Variants in PLPPR1 observed in about 807,000 individuals in gnomAD.
PLPPR1 encodes the protein phospholipid phosphatase related 1, also known as phospholipid phosphatase-related protein type 1.
PLPPR1 carries 10 observed loss-of-function variants against 33.1 expected under a neutral mutation model. The ratio of observed to expected loss-of-function variants is 0.30; its 90% confidence interval spans 0.19 to 0.51. The LOEUF is 0.51. Ranked by LOEUF, PLPPR1 falls within the 20% of genes least tolerant of loss-of-function variation. The probability of loss-of-function intolerance (pLI) is 0.97; values close to 1 mark genes in which losing one functional copy is unlikely to be tolerated. For synonymous variants in PLPPR1, 151 were observed against 151.0 expected, an observed-to-expected ratio of 1.00 and a Z score of 0.00; for missense variants, 304 against 408.1, an observed-to-expected ratio of 0.74 and a Z score of 2.20.
intron 1 of PLPPR1, among the ~76,000 whole-genome samples, chr9:101,157,938 A>T (rs1831717912): frequency 6.6e-6 from 1 of 152,154 alleles, no homozygotes; most frequent in African/African-American, 2.4e-5. Context: ...TGGGAGGTGG[A>T]GGTTGCAGTG....
intron 3 of PLPPR1, among the ~76,000 whole-genome samples, chr9:101,276,029 T>G (rs1403201676): frequency 6.6e-6 from 1 of 152,132 alleles, no homozygotes. Context: ...GATCACAAAG[T>G]GGGCTCTCAA....
chr9:101,038,036 A>G (rs555924554), intron 1 of PLPPR1, among the ~76,000 whole-genome samples: 1 of 152,000 alleles, frequency 6.6e-6, no homozygotes, highest in Admixed American at 6.5e-5. Flanking sequence ...AATATCACTC[A>G]TATTTCTGCT....
intron 2 of PLPPR1, among the ~76,000 whole-genome samples, chr9:101,206,923 A>G (rs371247109): frequency 9.9e-5 from 15 of 152,142 alleles, no homozygotes; most frequent in African/African-American, 3.6e-4. Context: ...CCAAGCCAGG[A>G]CTTATAGGGA....
At chr9:101,174,148 T>C (rs1424327964) in intron 1 of PLPPR1, among the ~76,000 whole-genome samples, 15 of 151,940 alleles carry the variant, frequency 9.9e-5, no homozygotes, top group Admixed American at 9.8e-4. Context: ...CAGAGTGAGA[T>C]CCTGTCAGAA....
At chr9:101,040,814 A>G (rs1329380583) in intron 1 of PLPPR1, among the ~76,000 whole-genome samples, 6 of 152,178 alleles carry the variant, frequency 3.9e-5, no homozygotes, top group Admixed American at 3.9e-4. Flanking sequence ...GCATCATAAG[A>G]TGAGGGACTC....
chr9:101,098,595 G>C (rs370173592), intron 1 of PLPPR1, among the ~76,000 whole-genome samples: 1 of 152,052 alleles, frequency 6.6e-6, no homozygotes, highest in Non-Finnish European at 1.5e-5. Flanking sequence ...GTGAATGGTG[G>C]GTAAAAGAAG....
chr9:101,266,396 C>CAAAAAAAAAAAAAAAAAA (rs546906894), intron 2 of PLPPR1, among the ~76,000 whole-genome samples: 1 of 113,992 alleles, frequency 8.8e-6, no homozygotes, highest in Non-Finnish European at 1.8e-5. Context: ...ACCCTGTCTC[C>CAAAAAAAAAAAAAAAAAA]AAAAAAAAAA....
rs374269645 is a variant in PLPPR1 at position 101,160,601 on chromosome 9, G to A, written c.-45-24849G>A. 2.1e-3 allele frequency among the ~76,000 whole-genome samples: 324 copies of A among 152,232 alleles called. 13 individuals are homozygous for A. The South Asian group carries it at 0.064, about 30-fold the overall frequency. ...AATTTGAAATGCAGCCTTAAAGGGT[G>A]TTAAAATAATTTTGTTTAACATGGA... is the stretch of plus-strand genomic sequence containing the variant. On this transcript the variant is annotated intron_variant, in intron 1 of 7. Transcript: ENST00000374874.
intron 1 of PLPPR1, among the ~76,000 whole-genome samples, chr9:101,039,857 G>A (rs1446271545): frequency 2.0e-5 from 3 of 151,364 alleles, no homozygotes; most frequent in African/African-American, 7.3e-5. Flanking sequence ...TGACACATGG[G>A]AATTGTGGGA....
At chr9:101,143,841 A>G (rs1831486651) in intron 1 of PLPPR1, among the ~76,000 whole-genome samples, 1 of 152,220 alleles carries the variant, frequency 6.6e-6, no homozygotes, top group South Asian at 2.1e-4. Flanking sequence ...GGAACTGTAA[A>G]CTAGTTCAAC....
intron 1 of PLPPR1, among the ~76,000 whole-genome samples, chr9:101,123,988 C>T (rs561341670): frequency 6.6e-6 from 1 of 152,280 alleles, no homozygotes; most frequent in Non-Finnish European, 1.5e-5. Flanking sequence ...CTCAGCTTCT[C>T]CCGACACTCA....
rs536156803 is a variant in PLPPR1, at chr9:101,198,454, T to C, written c.63+12897T>C. 7.2e-5 allele frequency among the ~76,000 whole-genome samples: 11 copies of C among 152,294 alleles called. No individual in the cohort carries two copies. In the South Asian group the frequency reaches 2.3e-3, roughly 32 times the overall value. On this transcript the variant is annotated intron_variant, in intron 2 of 7. Transcript: ENST00000374874. Reference sequence around the variant, plus strand: ...CCTGCAGGTCTTGATTCTGTCCTAATCAATGACAAATTTCATACTCAAAAA... The same window carrying C: ...CCTGCAGGTCTTGATTCTGTCCTAACCAATGACAAATTTCATACTCAAAAA...
chr9:101,097,306 T>G (rs767346277), intron 1 of PLPPR1, among the ~76,000 whole-genome samples: 2 of 152,186 alleles, frequency 1.3e-5, no homozygotes, highest in Non-Finnish European at 2.9e-5. Context: ...TAAGTATGTG[T>G]AACACCTGCA....
At chr9:101,110,026 C>G (rs1000959690) in intron 1 of PLPPR1, among the ~76,000 whole-genome samples, 8 of 152,162 alleles carry the variant, frequency 5.3e-5, no homozygotes, top group African/African-American at 1.9e-4. Flanking sequence ...TCATTTTCAA[C>G]AGTACTAAAA....
chr9:101,221,331 TTGAGA>T (rs1293367429), intron 2 of PLPPR1, among the ~76,000 whole-genome samples: 4 of 152,162 alleles, frequency 2.6e-5, no homozygotes, highest in African/African-American at 9.7e-5. Flanking sequence ...TGGAAACTCC[TTGAGA>T]TAAGTGTCCA....
At chr9:101,113,115 G>T (rs1209243456) in intron 1 of PLPPR1, among the ~76,000 whole-genome samples, 1 of 152,034 alleles carries the variant, frequency 6.6e-6, no homozygotes, top group Non-Finnish European at 1.5e-5. Context: ...AGACATTCAA[G>T]TTCAGGAGGT....
chr9:101,315,561 C>T (rs895945015), intron 6 of PLPPR1, among the ~76,000 whole-genome samples: 1 of 152,234 alleles, frequency 6.6e-6, no homozygotes, highest in Non-Finnish European at 1.5e-5. Flanking sequence ...TTTCTCATCA[C>T]TCAGTAACTA....
At chr9:101,186,784 T>C (rs1428864680) in intron 2 of PLPPR1, among the ~76,000 whole-genome samples, 3 of 151,888 alleles carry the variant, frequency 2.0e-5, no homozygotes, top group Non-Finnish European at 4.4e-5. Flanking sequence ...TCATAACTTA[T>C]TTTCTGGTGA....
intron 1 of PLPPR1, among the ~76,000 whole-genome samples, chr9:101,039,197 A>G (rs1053894797): frequency 2.0e-5 from 3 of 152,176 alleles, no homozygotes; most frequent in Non-Finnish European, 4.4e-5. Context: ...GGTGGTTAAG[A>G]GCTTGGACTA....
Sources: gnomAD v4.1 joint callset for allele counts (sites outside exome capture counted in the v4.1 genomes callset) on GRCh38, gnomAD v4.1.1 for gene constraint, MANE v1.5 for transcripts, NCBI Gene and HGNC (gene_info 2026-07-23, HGNC 2026-07-21) for gene names.